The following FAM168A variants were observed in gnomAD, a reference collection of about 807,000 sequenced individuals.
FAM168A encodes family with sequence similarity 168 member A.
A neutral mutation model predicts 28.5 loss-of-function variants in FAM168A; 3 were observed. The ratio of observed to expected loss-of-function variants is 0.11; its 90% CI spans 0.05 to 0.27. The LOEUF (loss-of-function observed/expected upper bound fraction) is 0.27. FAM168A is among the 10% of genes least tolerant of loss of function. The probability of loss-of-function intolerance (pLI) is 1.00; values close to 1 mark genes in which losing one functional copy is unlikely to be tolerated. For synonymous variants in FAM168A, 122 were observed against 124.2 expected, an observed-to-expected ratio of 0.98 and a Z score of 0.12; for missense variants, 222 against 311.5, an observed-to-expected ratio of 0.71 and a Z score of 2.16.
intron 1 of FAM168A, among the ~76,000 whole-genome samples, chr11:73,588,206 A>G (rs554021146): frequency 6.6e-6 from 1 of 152,324 alleles, no homozygotes; most frequent in South Asian, 2.1e-4. Flanking sequence ...ATGATTATTC[A>G]GACTTGGATG....
chr11:73,562,658 C>T (rs1295141807), intron 1 of FAM168A, among the ~76,000 whole-genome samples: 1 of 152,062 alleles, frequency 6.6e-6, no homozygotes, highest in African/African-American at 2.4e-5. Flanking sequence ...GAAACCCTGT[C>T]TCTACTAAAA....
chr11:73,517,665 C>A (rs1224015552), intron 1 of FAM168A, among the ~76,000 whole-genome samples: 1 of 152,124 alleles, frequency 6.6e-6, no homozygotes, highest in African/African-American at 2.4e-5. Context: ...AAAACAATAA[C>A]TCAGAAGTGT....
At chr11:73,578,386 G>A (rs1944201874) in intron 1 of FAM168A, among the ~76,000 whole-genome samples, 3 of 152,156 alleles carry the variant, frequency 2.0e-5, no homozygotes, top group Non-Finnish European at 4.4e-5. Flanking sequence ...GGTTTCATGG[G>A]TGTATATGTA....
At chr11:73,449,877 G>C (rs1867395081) in intron 2 of FAM168A, among the ~76,000 whole-genome samples, 1 of 152,208 alleles carries the variant, frequency 6.6e-6, no homozygotes, top group Non-Finnish European at 1.5e-5. Flanking sequence ...GCTTAAACAA[G>C]ACCAAGGACT....
chr11:73,555,826 T>C (rs1943883828), intron 1 of FAM168A, among the ~76,000 whole-genome samples: 1 of 152,160 alleles, frequency 6.6e-6, no homozygotes, highest in Non-Finnish European at 1.5e-5. Flanking sequence ...TGGCAAGGCT[T>C]CCAAAGAGGG....
At position 73,409,523 on chromosome 11, in the gene FAM168A, C is replaced by G; in HGVS notation, c.559G>C (p.Gly187Arg). 6.2e-7 allele frequency: 1 copy of G among 1,614,048 alleles called. No homozygotes were observed. The highest frequency in any genetic ancestry group is 8.5e-7 in the Non-Finnish European group (1 of 1,179,974). Residue 187 changes from glycine (G) to arginine (R), a missense_variant, in exon 6 of 8, where the codon GGC (glycine) becomes CGC (arginine). This residue lies in a region of FAM168A where 64 missense variants were observed against 94.6 expected (regional missense o/e 0.68). Transcript: ENST00000356467. Reference sequence around the variant, plus strand: ...GCCATGGTGGTGCCTGCCACCATGCCCATGGCCACACCGTTGGTCCTCGGG... The same window carrying G: ...GCCATGGTGGTGCCTGCCACCATGCGCATGGCCACACCGTTGGTCCTCGGG... ...AAPRTNGVAMGMVAGTTMAMS... is the reference protein window; with the variant it reads ...AAPRTNGVAMRMVAGTTMAMS...
At chr11:73,518,868 G>T (rs1007633874) in intron 1 of FAM168A, among the ~76,000 whole-genome samples, 3 of 152,132 alleles carry the variant, frequency 2.0e-5, no homozygotes, top group South Asian at 4.1e-4. Context: ...CTGCACTCCA[G>T]CCTGGGAGAC....
rs1555014483 is a variant in FAM168A at position 73,401,104 on chromosome 11, A to ATTATT, written c.*5654_*5658dup. On this transcript the variant is annotated 3_prime_UTR_variant, in exon 8 of 8. Coordinates refer to ENST00000356467, the MANE Select transcript of FAM168A (RefSeq NM_015159.3). Reference sequence around the variant, plus strand: ...GTTTATTATTATTATTATTATTATTATTATTATTTTAAATTTTATTTCTTT... The same window carrying ATTATT: ...GTTTATTATTATTATTATTATTATTATTATTTTATTATTTTAAATTTTATTTCTTT... 8.0e-5 allele frequency: 12 copies of ATTATT among 149,234 alleles called. No homozygotes were observed. Among genetic ancestry groups the ATTATT allele is most frequent in the African/African-American group, 9.8e-5 (4 of 41,002 alleles). The allele number at this position is 149,234 out of a possible 1,614,324, so 9.2% of individuals were successfully genotyped here.
At chr11:73,578,361 C>G (rs117695266) in intron 1 of FAM168A, among the ~76,000 whole-genome samples, 3 of 152,272 alleles carry the variant, frequency 2.0e-5, no homozygotes, top group East Asian at 1.9e-4. Flanking sequence ...TGTTCACCAT[C>G]TGCTTTGTGG....
At chr11:73,467,059 T>C (rs1391025766) in intron 2 of FAM168A, among the ~76,000 whole-genome samples, 1 of 152,092 alleles carries the variant, frequency 6.6e-6, no homozygotes, top group Non-Finnish European at 1.5e-5. Context: ...CCCTACAAAT[T>C]TGAAACTTTG....
intron 1 of FAM168A, among the ~76,000 whole-genome samples, chr11:73,477,936 GAT>G (rs1867912311): frequency 6.9e-6 from 1 of 145,666 alleles, no homozygotes; most frequent in Non-Finnish European, 1.5e-5. Context: ...TAGATAGATA[GAT>G]AGATAGATAG....
intron 1 of FAM168A, among the ~76,000 whole-genome samples, chr11:73,593,604 C>T (rs1352134491): frequency 2.0e-5 from 3 of 152,192 alleles, no homozygotes; most frequent in Admixed American, 6.5e-5. Context: ...AATCATACCT[C>T]ATTAATAAAT....
intron 1 of FAM168A, among the ~76,000 whole-genome samples, chr11:73,512,924 C>T (rs1279913064): frequency 6.6e-6 from 1 of 152,100 alleles, no homozygotes; most frequent in East Asian, 1.9e-4. Flanking sequence ...GACCTCAAGG[C>T]ATTCAGTATA....
intron 1 of FAM168A, among the ~76,000 whole-genome samples, chr11:73,547,569 G>A (rs750856388): frequency 5.3e-4 from 81 of 152,312 alleles, no homozygotes; most frequent in Non-Finnish European, 9.4e-4. Context: ...TGCAGAGGCA[G>A]GAGGGTCGCT....
chr11:73,452,086 TG>T (rs1867441559), intron 2 of FAM168A: 1 of 152,332 alleles, frequency 6.6e-6, no homozygotes, highest in African/African-American at 2.4e-5. Flanking sequence ...GCTGGGGTGT[TG>T]GAAGTCTGGG....
intron 1 of FAM168A, among the ~76,000 whole-genome samples, chr11:73,493,188 A>G (rs1565269196): frequency 6.6e-6 from 1 of 152,094 alleles, no homozygotes; most frequent in Non-Finnish European, 1.5e-5. Flanking sequence ...GAAAAAAAAA[A>G]TCACAAAGTG....
At chr11:73,480,061 A>G (rs1325990972) in intron 1 of FAM168A, among the ~76,000 whole-genome samples, 6 of 152,200 alleles carry the variant, frequency 3.9e-5, no homozygotes, top group Non-Finnish European at 8.8e-5. Flanking sequence ...AGCTTTCTAC[A>G]TTTTATAATA....
intron 2 of FAM168A, among the ~76,000 whole-genome samples, chr11:73,449,319 C>T (rs1049830376): frequency 6.6e-6 from 1 of 152,086 alleles, no homozygotes; most frequent in Admixed American, 6.6e-5. Flanking sequence ...GCATTTATAA[C>T]TGATGCATAG....
At chr11:73,530,064 G>A (rs1044077609) in intron 1 of FAM168A, among the ~76,000 whole-genome samples, 5 of 152,038 alleles carry the variant, frequency 3.3e-5, no homozygotes, top group Non-Finnish European at 7.4e-5. Flanking sequence ...CAGGATTACA[G>A]GCATGAGCCA....
Sources: gnomAD v4.1 joint callset for allele counts (sites outside exome capture counted in the v4.1 genomes callset) on GRCh38, gnomAD v4.1.1 for gene constraint, gnomAD v4.1.1 regional missense constraint, MANE v1.5 for transcripts, NCBI Gene and HGNC (gene_info 2026-07-23, HGNC 2026-07-21) for gene names.